BCAS1: variants seen among roughly 807,000 people sequenced by gnomAD.
BCAS1 encodes the protein brain enriched myelin associated protein 1.
In BCAS1, 46 loss-of-function variants were observed where a neutral mutation model predicts 65.4. That is an observed-to-expected ratio of 0.70 (90% CI 0.55 to 0.90). The LOEUF (loss-of-function observed/expected upper bound fraction) is 0.90. Among genes scored for constraint, BCAS1 ranks in the 40% least tolerant of loss-of-function variants. BCAS1 has a pLI of 0.00. For synonymous variants in BCAS1, 298 were observed against 293.5 expected (o/e 1.02, Z -0.16); for missense variants, 793 against 771.2 (o/e 1.03, Z -0.33).
chr20:54,027,708 G>A (rs1339553197), intron 4 of BCAS1, among the ~76,000 whole-genome samples: 1 of 151,670 alleles, frequency 6.6e-6, no homozygotes, highest in Non-Finnish European at 1.5e-5. Flanking sequence ...TCTTTTTAGT[G>A]TCAAAAAGAG....
chr20:54,011,671 T>C (rs1236910957), intron 4 of BCAS1, among the ~76,000 whole-genome samples: 1 of 152,284 alleles, frequency 6.6e-6, no homozygotes, highest in Non-Finnish European at 1.5e-5. Flanking sequence ...TGTAAAGGGA[T>C]ACAGGCAGAA....
intron 3 of BCAS1, among the ~76,000 whole-genome samples, chr20:54,029,570 C>T (rs150420907): frequency 1.2e-4 from 18 of 152,294 alleles, no homozygotes; most frequent in African/African-American, 4.3e-4. Context: ...GCTGAAATGT[C>T]TTTTTGAATC....
At chr20:53,991,712 G>T (rs1411694031) in intron 7 of BCAS1, among the ~76,000 whole-genome samples, 1 of 152,064 alleles carries the variant, frequency 6.6e-6, no homozygotes, top group Non-Finnish European at 1.5e-5. Context: ...ACTTTTATTT[G>T]GGTTCAGTGT....
chr20:53,962,571 A>G (rs1037499137), intron 10 of BCAS1, among the ~76,000 whole-genome samples: 11 of 152,360 alleles, frequency 7.2e-5, no homozygotes, highest in Middle Eastern at 3.4e-3. Context: ...TTGTGGACAC[A>G]TGAATGCAGT....
chr20:53,957,419 C>T lies in BCAS1; in HGVS notation c.1551+13G>A, dbSNP rs778917776. On this transcript the variant is annotated intron_variant, in intron 11 of 12. Coordinates refer to ENST00000688948, the MANE Select transcript of BCAS1 (RefSeq NM_001366298.2). ...ACTAATCCCACCACCAAACTGAGTTCGAGGTCACTTACTTGGCAGCTGGAG... is the reference window on the plus strand; with the variant it reads ...ACTAATCCCACCACCAAACTGAGTTTGAGGTCACTTACTTGGCAGCTGGAG... The T allele has an allele frequency of 9.9e-6, 16 of 1,610,684 alleles. No homozygotes were observed. Among genetic ancestry groups the T allele is most frequent in the African/African-American group, 5.3e-5 (4 of 74,876 alleles).
In BCAS1 at chr20:54,006,448, G is replaced by A. The variant is rs560225161; in HGVS notation, c.724-10398C>T. On this transcript the variant is annotated intron_variant, in intron 4 of 12. Transcript: ENST00000688948. ...GATTGGGCTGGGCATGGTGGCTCACGCCTGTAATCCTAGCACTTTGGGAGA... is the reference window on the plus strand; with the variant it reads ...GATTGGGCTGGGCATGGTGGCTCACACCTGTAATCCTAGCACTTTGGGAGA... 5.3e-4 allele frequency among the ~76,000 whole-genome samples: 81 copies of A among 152,286 alleles called. 1 individual carries two copies. Among genetic ancestry groups the A allele is most frequent in the East Asian group, 4.6e-3 (24 of 5,186 alleles).
intron 3 of BCAS1, among the ~76,000 whole-genome samples, chr20:54,057,573 T>A (rs1477616061): frequency 6.6e-6 from 1 of 152,218 alleles, no homozygotes; most frequent in Non-Finnish European, 1.5e-5. Context: ...TCAGAAGAGA[T>A]CTGTTGTTAT....
At chr20:53,958,423 GGA>G (rs1368390209) in intron 10 of BCAS1, among the ~76,000 whole-genome samples, 5 of 152,212 alleles carry the variant, frequency 3.3e-5, no homozygotes, top group Non-Finnish European at 7.3e-5. Context: ...AGCTAAGGGA[GGA>G]GTATAGAGAG....
intron 12 of BCAS1, among the ~76,000 whole-genome samples, chr20:53,946,332 G>C (rs2145439039): frequency 6.6e-6 from 1 of 151,934 alleles, no homozygotes; most frequent in South Asian, 2.1e-4. Flanking sequence ...GCCTTTGCCA[G>C]GATGTCATAT....
intron 3 of BCAS1, among the ~76,000 whole-genome samples, chr20:54,035,654 T>C (rs1399305604): frequency 6.6e-6 from 1 of 151,108 alleles, no homozygotes; most frequent in Non-Finnish European, 1.5e-5. Context: ...TGGCAATTCC[T>C]CAAAGACCTA....
At chr20:54,014,486 G>A (rs923165818) in intron 4 of BCAS1, among the ~76,000 whole-genome samples, 2 of 152,166 alleles carry the variant, frequency 1.3e-5, no homozygotes, top group East Asian at 3.8e-4. Context: ...CCTTTAAGCA[G>A]ATCTACATTG....
Position 53,953,621 on chromosome 20 carries a change from C to T in BCAS1, c.1626G>A (p.Glu542=). 1 of 1,613,862 alleles carries T rather than the reference C, an allele frequency of 6.2e-7. No individual in the cohort carries two copies. The highest frequency in any genetic ancestry group is 8.5e-7 in the Non-Finnish European group (1 of 1,180,000). The change falls in exon 12 of 13, where the codon GAG becomes GAA. Residue 542 remains glutamate (E), a synonymous_variant. Transcript: ENST00000688948. The stretch of plus-strand genomic sequence containing the variant: ...CTGACTTCTTGTCCTTCGAGGAGCC[C>T]TCTTTACCCTTCTGTGGTGCTCCTG... ...EPTGAPQKGK[E]GSSKDKKSAA... is the part of the protein sequence containing the mutation.
chr20:54,055,358 G>C (rs1209652135), intron 3 of BCAS1, among the ~76,000 whole-genome samples: 1 of 152,138 alleles, frequency 6.6e-6, no homozygotes, highest in African/African-American at 2.4e-5. Flanking sequence ...CATATGGCTG[G>C]GGAGGCCTCA....
chr20:53,998,253 CT>C (rs2090969378), intron 4 of BCAS1, among the ~76,000 whole-genome samples: 1 of 152,130 alleles, frequency 6.6e-6, no homozygotes, highest in South Asian at 2.1e-4. Flanking sequence ...TACAATTCAA[CT>C]CATTTTAATG....
intron 3 of BCAS1, among the ~76,000 whole-genome samples, chr20:54,031,441 A>T (rs1436414133): frequency 6.6e-6 from 1 of 151,338 alleles, no homozygotes; most frequent in Non-Finnish European, 1.5e-5. Context: ...CTCCAAATTT[A>T]GGTGGGTACA....
intron 7 of BCAS1, among the ~76,000 whole-genome samples, chr20:53,986,845 G>A (rs1221556576): frequency 4.6e-5 from 7 of 152,266 alleles, no homozygotes; most frequent in African/African-American, 1.2e-4. Context: ...AGCCATGATC[G>A]TGCCACTGTA....
intron 4 of BCAS1, among the ~76,000 whole-genome samples, chr20:53,999,085 T>G (rs1378200386): frequency 6.6e-6 from 1 of 152,188 alleles, no homozygotes; most frequent in South Asian, 2.1e-4. Flanking sequence ...TTGCTAAACT[T>G]ATATAGTGTG....
At chr20:53,996,141 C>A (rs1419829367) in intron 4 of BCAS1, 91 bp from the exon 5 acceptor site, 34 of 1,368,618 alleles carry the variant, frequency 2.5e-5, no homozygotes, top group Middle Eastern at 1.9e-4. Context: ...TCTCTTACCC[C>A]CTAATTCCAG....
Position 53,966,981 on chromosome 20 carries a change from A to AG in BCAS1, c.1409dup (p.Glu471Ter), listed in dbSNP as rs1470732721. 6.2e-7 allele frequency: 1 copy of AG among 1,613,324 alleles called. No homozygotes were observed. The highest frequency in any genetic ancestry group is 1.7e-5 in the Admixed American group (1 of 59,906). ...TTTTGAGTTTCGCTTCTGTGGGTTC[A>AG]GGTGCAGCATCTCCTTCGTTGAGGT... On this transcript the variant is annotated frameshift_variant, in exon 10 of 13. Transcript: ENST00000688948. LOFTEE classifies it high-confidence loss of function.
Sources: gnomAD v4.1 joint callset for allele counts (sites outside exome capture counted in the v4.1 genomes callset) on GRCh38, gnomAD v4.1.1 for gene constraint, MANE v1.5 for transcripts, NCBI Gene and HGNC (gene_info 2026-07-23, HGNC 2026-07-21) for gene names.